PTPRT: variants seen among roughly 807,000 people sequenced by gnomAD.
PTPRT encodes receptor-type tyrosine-protein phosphatase T.
Under a neutral mutation model 176.8 loss-of-function variants are expected in PTPRT, and 56 were observed. That is an observed-to-expected ratio of 0.32 (90% CI 0.26 to 0.40). The LOEUF is 0.40. Ranked by LOEUF, PTPRT falls within the 10% of genes least tolerant of loss-of-function variation. PTPRT has a pLI of 1.00. For synonymous variants in PTPRT, 783 were observed against 739.0 expected (o/e 1.06, Z -0.96); for missense variants, 1,540 against 1,908.2 (o/e 0.81, Z 3.60).
intron 1 of PTPRT, among the ~76,000 whole-genome samples, chr20:43,125,162 A>AATT (rs796491487): frequency 2.1e-5 from 3 of 145,318 alleles, no homozygotes; most frequent in Non-Finnish European, 4.5e-5. Context: ...CACCTAGCTG[A>AATT]TTTTTTTTTT....
chr20:42,623,264 C>T (rs2074232173), intron 7 of PTPRT, among the ~76,000 whole-genome samples: 1 of 152,200 alleles, frequency 6.6e-6, no homozygotes, highest in Non-Finnish European at 1.5e-5. Context: ...CTGTAACATG[C>T]CCGCTGGGCT....
intron 1 of PTPRT, among the ~76,000 whole-genome samples, chr20:42,977,972 G>C (rs1983045468): frequency 6.6e-6 from 1 of 152,128 alleles, no homozygotes. Context: ...CTGGTGCATT[G>C]GATAGTACCC....
downstream of PTPRT, among the ~76,000 whole-genome samples, chr20:42,072,120 C>G (rs897331347): frequency 9.2e-5 from 14 of 151,972 alleles, no homozygotes; most frequent in Admixed American, 9.2e-4. Context: ...ATTGGACTTT[C>G]TCTCTCTCAT....
At chr20:42,720,515 G>C (rs1231144878) in intron 6 of PTPRT, among the ~76,000 whole-genome samples, 2 of 152,170 alleles carry the variant, frequency 1.3e-5, no homozygotes, top group Non-Finnish European at 2.9e-5. Flanking sequence ...TAAAGAAAAA[G>C]GGTCAAAGGC....
chr20:42,784,991 A>C (rs2077267767), intron 3 of PTPRT, among the ~76,000 whole-genome samples: 1 of 152,204 alleles, frequency 6.6e-6, no homozygotes, highest in Admixed American at 6.5e-5. Context: ...AAATTGCTGA[A>C]AGAATAGATT....
At chr20:42,551,366 A>G (rs1296155804) in intron 7 of PTPRT, among the ~76,000 whole-genome samples, 1 of 152,154 alleles carries the variant, frequency 6.6e-6, no homozygotes, top group Non-Finnish European at 1.5e-5. Flanking sequence ...TAAATGGTTC[A>G]TCTTTCCTCT....
intron 13 of PTPRT, among the ~76,000 whole-genome samples, chr20:42,270,068 G>C (rs1352654542): frequency 6.6e-6 from 1 of 152,020 alleles, no homozygotes; most frequent in Non-Finnish European, 1.5e-5. Flanking sequence ...ACCAGTGGCT[G>C]TTTCTTCTCC....
intron 1 of PTPRT, among the ~76,000 whole-genome samples, chr20:43,005,070 G>A (rs1011876173): frequency 6.6e-6 from 1 of 152,102 alleles, no homozygotes; most frequent in African/African-American, 2.4e-5. Context: ...GTGGTGTTCA[G>A]ATGCCTTCAT....
rs1004091427 is a variant in PTPRT at position 42,971,882 on chromosome 20, G to A, written c.89-85950C>T. Among the ~76,000 whole-genome samples the A allele has an allele frequency of 4.1e-4, 63 of 152,094 alleles. 1 individual carries two copies. Among genetic ancestry groups the A allele is most frequent in the Admixed American group, 4.1e-3 (63 of 15,286 alleles). On this transcript the variant is annotated intron_variant, in intron 1 of 30. Coordinates refer to ENST00000373187, the MANE Select transcript of PTPRT (RefSeq NM_007050.6). ...CCTACTATGAGGTAAGCACTGTTCT[G>A]GGCACTGGAATTATAGCCTTGAACA...
chr20:42,743,333 G>T (rs1159479499), intron 6 of PTPRT, among the ~76,000 whole-genome samples: 3 of 152,178 alleles, frequency 2.0e-5, no homozygotes, highest in Non-Finnish European at 4.4e-5. Flanking sequence ...TTTTCTACCA[G>T]GTTTAGGAAA....
chr20:42,613,080 TC>T (rs1457007067), intron 7 of PTPRT, among the ~76,000 whole-genome samples: 1 of 152,248 alleles, frequency 6.6e-6, no homozygotes, highest in African/African-American at 2.4e-5. Flanking sequence ...CACATTTTCT[TC>T]CATGAAGCAA....
At chr20:42,195,585 C>A (rs745483121) in intron 16 of PTPRT, among the ~76,000 whole-genome samples, 2 of 151,876 alleles carry the variant, frequency 1.3e-5, no homozygotes, top group Non-Finnish European at 2.9e-5. Flanking sequence ...TAGCTGTAGC[C>A]TGAGGACGTC....
At chr20:42,457,885 G>A (rs996485774) in intron 8 of PTPRT, among the ~76,000 whole-genome samples, 2 of 152,124 alleles carry the variant, frequency 1.3e-5, no homozygotes, top group African/African-American at 4.8e-5. Context: ...CCTGGACGTA[G>A]GCTTGGAGGG....
intron 15 of PTPRT, among the ~76,000 whole-genome samples, chr20:42,210,724 G>A (rs2055602076): frequency 6.6e-6 from 1 of 152,036 alleles, no homozygotes; most frequent in Non-Finnish European, 1.5e-5. Context: ...TACTGCCCAA[G>A]GTAATTTACA....
intron 13 of PTPRT, among the ~76,000 whole-genome samples, chr20:42,252,630 A>G (rs1252417570): frequency 6.6e-6 from 1 of 152,264 alleles, no homozygotes; most frequent in Non-Finnish European, 1.5e-5. Flanking sequence ...AATCAAGTCC[A>G]CACACAAAGG....
At chr20:43,080,932 T>C (rs976779166) in intron 1 of PTPRT, among the ~76,000 whole-genome samples, 4 of 152,246 alleles carry the variant, frequency 2.6e-5, no homozygotes, top group Admixed American at 1.3e-4. Flanking sequence ...ACCTGTTGTA[T>C]ACAGGTGCTT....
rs183916126 is a variant in PTPRT at position 42,487,521 on chromosome 20, G to C, written c.1154-14959C>G. On this transcript the variant is annotated intron_variant, in intron 7 of 30. Coordinates refer to ENST00000373187, the MANE Select transcript of PTPRT (RefSeq NM_007050.6). Reference sequence around the variant, plus strand: ...AACGTGATTAAGGATCTTGAACTGGGGATATGATCCTGGATTATCCGGGTG... The same window carrying C: ...AACGTGATTAAGGATCTTGAACTGGCGATATGATCCTGGATTATCCGGGTG... Among the ~76,000 whole-genome samples, 315 of 152,264 alleles carry C rather than the reference G, an allele frequency of 2.1e-3. 2 individuals carry two copies. Among genetic ancestry groups the C allele is most frequent in the Middle Eastern group, 0.01 (3 of 294 alleles).
intron 1 of PTPRT, among the ~76,000 whole-genome samples, chr20:43,052,626 T>A (rs1237554288): frequency 6.6e-6 from 1 of 152,246 alleles, no homozygotes; most frequent in Non-Finnish European, 1.5e-5. Context: ...TTTAAAAAAA[T>A]AGGTTTATTA....
intron 11 of PTPRT, among the ~76,000 whole-genome samples, chr20:42,329,170 G>A (rs2057928324): frequency 6.6e-6 from 1 of 152,112 alleles, no homozygotes; most frequent in African/African-American, 2.4e-5. Context: ...GAATAGATAG[G>A]CTTGCCCTCT....
Sources: gnomAD v4.1 joint callset for allele counts (sites outside exome capture counted in the v4.1 genomes callset) on GRCh38, gnomAD v4.1.1 for gene constraint, MANE v1.5 for transcripts, NCBI Gene and HGNC (gene_info 2026-07-23, HGNC 2026-07-21) for gene names.